Variants in PFKFB4 observed in about 807,000 individuals in gnomAD.
PFKFB4 encodes the protein 6-phosphofructo-2-kinase/fructose-2,6-bisphosphatase 4.
Under a neutral mutation model 62.8 loss-of-function variants are expected in PFKFB4, and 42 were observed. The ratio of observed to expected loss-of-function variants is 0.67; its 90% CI spans 0.52 to 0.86. The LOEUF (loss-of-function observed/expected upper bound fraction) is 0.86. PFKFB4 is among the 40% of genes least tolerant of loss of function. PFKFB4 has a pLI of 0.00. For missense variants in PFKFB4, 475 were observed against 627.2 expected (o/e 0.76, Z 2.59); for synonymous variants, 204 against 240.7 (o/e 0.85, Z 1.41).
upstream of PFKFB4, chr3:48,562,690 T>C: frequency 8.2e-7 from 1 of 1,217,300 alleles, no homozygotes; most frequent in East Asian, 2.5e-5. The surrounding 1 kb of genome is among the most constrained non-coding windows in gnomAD (Gnocchi z 4.3). Flanking sequence ...CCAGACACTG[T>C]ATGCCCAGAT....
intron 9 of PFKFB4, among the ~76,000 whole-genome samples, chr3:48,528,489 C>G (rs1350553596): frequency 3.3e-5 from 5 of 151,988 alleles, no homozygotes; most frequent in African/African-American, 1.2e-4. Flanking sequence ...TGATGAAACC[C>G]CATCTCTACA....
intron 9 of PFKFB4, among the ~76,000 whole-genome samples, chr3:48,530,030 ATCACCTGAGG>A (rs993911322): frequency 4.3e-4 from 66 of 152,256 alleles, no homozygotes; most frequent in African/African-American, 1.6e-3. Context: ...AGGCGGGTGG[ATCACCTGAGG>A]TCAAGAGTTC....
In PFKFB4 at chr3:48,523,736, C is replaced by G; in HGVS notation, c.1187G>C (p.Arg396Pro). 4 of 1,614,158 alleles carry G rather than the reference C, an allele frequency of 2.5e-6. No individual in the cohort carries two copies. Among genetic ancestry groups the G allele is most frequent in the Non-Finnish European group, 3.4e-6 (4 of 1,180,010 alleles). The change falls in exon 11 of 14, where the codon CGC becomes CCC. Residue 396 changes from arginine (R) to proline (P), a missense_variant. Physicochemically the swap from Arg to Pro is moderately radical, Grantham distance 103 (BLOSUM62 -2). Transcript: ENST00000232375. ...GTCGAGGAAGTAGGCCAGCAGGCAG[C>G]GCATCACAGCCTGGTGGCAGATGAC... The part of the protein sequence containing the change: ...VLVICHQAVM[R>P]CLLAYFLDKA...
At chr3:48,557,439 A>G (rs982163470), upstream of PFKFB4, among the ~76,000 whole-genome samples, 3 of 152,190 alleles carry the variant, frequency 2.0e-5, no homozygotes, top group Non-Finnish European at 2.9e-5. Flanking sequence ...AGCATGCTCA[A>G]CCACGCTGGA....
At chr3:48,533,830 G>A (rs1288476897) in intron 9 of PFKFB4, among the ~76,000 whole-genome samples, 1 of 152,194 alleles carries the variant, frequency 6.6e-6, no homozygotes, top group East Asian at 1.9e-4. Flanking sequence ...CTCCAGCCTG[G>A]ACAACAGGAG....
At position 48,549,949 on chromosome 3, in the gene PFKFB4, C is replaced by A; in HGVS notation, c.226G>T (p.Gly76Cys). The change falls in exon 3 of 14, where the codon GGC (glycine) becomes TGC (cysteine). Residue 76 changes from glycine to cysteine, a missense_variant. Gly to Cys is a radical substitution (Grantham distance 159). Coordinates refer to ENST00000232375, the MANE Select transcript of PFKFB4 (RefSeq NM_004567.4). ...TTGACCACGTCCCGGCGATACTGGC[C>A]AACATTGAACTCTGGAGGGAAGGAG... Reference protein sequence around the residue: ...IGVPTREFNVGQYRRDVVKTY... With the variant: ...IGVPTREFNVCQYRRDVVKTY... 1.2e-6 allele frequency: 2 copies of A among 1,612,366 alleles called. No individual in the cohort carries two copies. Among genetic ancestry groups the A allele is most frequent in the Non-Finnish European group, 1.7e-6 (2 of 1,178,398 alleles).
At chr3:48,531,501 C>CG (rs1026231616) in intron 9 of PFKFB4, among the ~76,000 whole-genome samples, 217 of 149,258 alleles carry the variant, frequency 1.5e-3, no homozygotes, top group Non-Finnish European at 9.5e-4. Context: ...AGTGCAGTGG[C>CG]GTGATCTCAG....
chr3:48,537,819 C>G (rs143884684), intron 7 of PFKFB4, among the ~76,000 whole-genome samples: 1 of 152,154 alleles, frequency 6.6e-6, no homozygotes, highest in Non-Finnish European at 1.5e-5. Context: ...GCCACTCTGC[C>G]CGGCCCGTAT....
At chr3:48,538,246 A>G (rs1378767235) in intron 7 of PFKFB4, among the ~76,000 whole-genome samples, 1 of 152,240 alleles carries the variant, frequency 6.6e-6, no homozygotes, top group African/African-American at 2.4e-5. Context: ...GACCCCTTGC[A>G]TAGAAATTCG....
At chr3:48,536,515 C>T (rs962584247) in intron 7 of PFKFB4, 52 bp from the exon 8 acceptor site, 10 of 1,417,494 alleles carry the variant, frequency 7.1e-6, no homozygotes, top group South Asian at 1.2e-5. Flanking sequence ...AGGGTTCTCA[C>T]AGAGCACATC....
At chr3:48,528,795 T>C (rs1040952841) in intron 9 of PFKFB4, among the ~76,000 whole-genome samples, 6 of 152,214 alleles carry the variant, frequency 3.9e-5, no homozygotes, top group African/African-American at 1.4e-4. Context: ...ATTTATATAA[T>C]AGGATGTTAT....
intron 10 of PFKFB4, among the ~76,000 whole-genome samples, 194 bp downstream of exon 10, chr3:48,525,371 G>A (rs1376712728): frequency 6.6e-6 from 1 of 152,130 alleles, no homozygotes; most frequent in African/African-American, 2.4e-5. Flanking sequence ...CCACACCTGA[G>A]GAAGGGACTA....
At position 48,550,199 on chromosome 3, in the gene PFKFB4, C is replaced by T. The variant is rs757553047; in HGVS notation, c.133G>A (p.Val45Met). 1.9e-6 allele frequency: 3 copies of T among 1,614,094 alleles called. No individual in the cohort carries two copies. In the South Asian group the frequency reaches 3.3e-5, roughly 18 times the overall value. The part of the protein sequence containing the change: ...MTNCPTLIVM[V>M]GLPARGKTYI... ...GTCTTGCCCCTGGCGGGCAGGCCCA[C>T]CATGACAATGAGAGTTGGGCAGTTG... Residue 45 changes from valine to methionine, a missense_variant, in exon 2 of 14, where the codon GTG becomes ATG. Val to Met is a conservative substitution (Grantham distance 21). Transcript: ENST00000232375.
rs753277039 is a variant in PFKFB4 at position 48,523,611 on chromosome 3, G to A, written c.1223-12C>T. The A allele has an allele frequency of 6.2e-7, 1 of 1,614,152 alleles. No individual in the cohort carries two copies. Among genetic ancestry groups the A allele is most frequent in the South Asian group, 1.1e-5 (1 of 91,082 alleles). On this transcript the variant is annotated splice_polypyrimidine_tract_variant and intron_variant, in intron 11 of 13. Transcript: ENST00000232375. ...GTAGGGCAGCTGTTCTGTAGACACAGAGGGGGATGGCTAGCACACCAGAAA... is the reference window on the plus strand; with the variant it reads ...GTAGGGCAGCTGTTCTGTAGACACAAAGGGGGATGGCTAGCACACCAGAAA...
upstream of PFKFB4, chr3:48,556,902 C>A: frequency 7.0e-7 from 1 of 1,422,210 alleles, no homozygotes; most frequent in Non-Finnish European, 9.2e-7. The surrounding 1 kb of genome is among the most constrained non-coding windows in gnomAD (Gnocchi z 5.7). Flanking sequence ...TGTCTATCTT[C>A]CCGCAGGTCC....
intron 9 of PFKFB4, among the ~76,000 whole-genome samples, chr3:48,531,568 A>G (rs1385956301): frequency 1.3e-5 from 2 of 149,894 alleles, no homozygotes; most frequent in Non-Finnish European, 1.5e-5. Flanking sequence ...TGATCTGCCC[A>G]CCTTGGCCTC....
Position 48,538,525 on chromosome 3 carries a change from T to C in PFKFB4, c.605A>G (p.Tyr202Cys), listed in dbSNP as rs749487577. ...ATCCAGGTCCTCATCTAGCGACTCG[T>C]AGGAGTTCTCATAGCACTCAATGCG... ...MRRIECYENSYESLDEDLDRD... is the reference protein window; with the variant it reads ...MRRIECYENSCESLDEDLDRD... Residue 202 changes from tyrosine (Y) to cysteine (C), a missense_variant, in exon 7 of 14, where the codon TAC (tyrosine) becomes TGC (cysteine). Transcript: ENST00000232375. 1.2e-6 allele frequency: 2 copies of C among 1,614,028 alleles called. No homozygotes were observed. The highest frequency in any genetic ancestry group is 4.5e-5 in the East Asian group (2 of 44,888).
intron 6 of PFKFB4, 102 bp from the exon 7 acceptor site, chr3:48,538,721 C>G: frequency 6.8e-7 from 1 of 1,479,632 alleles, no homozygotes; most frequent in East Asian, 2.3e-5. Context: ...GAGGTTGCAC[C>G]GGAGACCAGT....
chr3:48,529,462 A>G (rs2107490754), intron 9 of PFKFB4, among the ~76,000 whole-genome samples: 1 of 152,320 alleles, frequency 6.6e-6, no homozygotes, highest in African/African-American at 2.4e-5. Flanking sequence ...AAATAATCAG[A>G]TTAACTTCAA....
Sources: allele counts gnomAD v4.1 joint callset (sites outside exome capture counted in the v4.1 genomes callset), GRCh38; gene constraint gnomAD v4.1.1; non-coding constraint Gnocchi (gnomAD v3.1); transcripts MANE v1.5; gene names NCBI Gene and HGNC (gene_info 2026-07-23, HGNC 2026-07-21).